FMN2: variants seen among roughly 807,000 people sequenced by gnomAD.
FMN2 encodes the protein formin 2.
A neutral mutation model predicts 142.3 loss-of-function variants in FMN2; 51 were observed. The ratio of observed to expected loss-of-function variants is 0.36; its 90% confidence interval spans 0.29 to 0.45. FMN2 has a LOEUF of 0.45. FMN2 is among the 20% of genes least tolerant of loss of function. The probability of loss-of-function intolerance (pLI) is 1.00; values close to 1 mark genes in which losing one functional copy is unlikely to be tolerated. For missense variants in FMN2, 1,936 were observed against 2,122.8 expected (o/e 0.91, Z 1.73); for synonymous variants, 882 against 869.8 (o/e 1.01, Z -0.25).
chr1:240,447,815 A>G (rs10926262), intron 16 of FMN2, among the ~76,000 whole-genome samples: 87,550 of 151,880 alleles, frequency 0.58, 25,360 homozygotes, highest in Admixed American at 0.64. Context: ...AAACCTACGC[A>G]TCTACTCAAA....
chr1:240,243,425 C>T (rs922729088), intron 6 of FMN2, among the ~76,000 whole-genome samples: 6 of 152,208 alleles, frequency 3.9e-5, no homozygotes, highest in African/African-American at 1.2e-4. Context: ...TGTAAATTCC[C>T]AAGGGGCAGG....
At chr1:240,160,464 ATATACATTATAT>A (rs930473874) in intron 2 of FMN2, among the ~76,000 whole-genome samples, 1 of 149,286 alleles carries the variant, frequency 6.7e-6, no homozygotes, top group African/African-American at 2.4e-5. Context: ...TTGTATGTAT[ATATACATTATAT>A]ATAATGTATA....
chr1:240,201,331 T>A, intron 4 of FMN2, among the ~76,000 whole-genome samples: 1 of 152,318 alleles, frequency 6.6e-6, no homozygotes. Context: ...AAAGTGAACT[T>A]GTTAATCATG....
chr1:240,437,383 T>A (rs891169709), intron 15 of FMN2, among the ~76,000 whole-genome samples: 1 of 148,222 alleles, frequency 6.7e-6, no homozygotes, highest in South Asian at 2.2e-4. Flanking sequence ...AAGCTGTGCC[T>A]CCTGGGTTCA....
intron 13 of FMN2, among the ~76,000 whole-genome samples, chr1:240,344,207 G>C (rs547350683): frequency 2.0e-5 from 3 of 152,328 alleles, no homozygotes; most frequent in African/African-American, 4.8e-5. Flanking sequence ...GGGAGACAGA[G>C]GAGCTGGGAA....
At chr1:240,264,366 T>A (rs904131039) in intron 7 of FMN2, among the ~76,000 whole-genome samples, 1 of 152,218 alleles carries the variant, frequency 6.6e-6, no homozygotes, top group Non-Finnish European at 1.5e-5. Context: ...TATTCTTTTT[T>A]AAATTTGTTT....
At chr1:240,257,769 A>T (rs565185908) in intron 6 of FMN2, among the ~76,000 whole-genome samples, 176 bp from the exon 7 acceptor site, 43 of 152,308 alleles carry the variant, frequency 2.8e-4, no homozygotes, top group African/African-American at 1.0e-3. Flanking sequence ...AAGATTTATG[A>T]TATAAAACCC....
chr1:240,346,326 ATGT>A (rs1341263664), intron 13 of FMN2, among the ~76,000 whole-genome samples: 4 of 152,140 alleles, frequency 2.6e-5, no homozygotes, highest in Non-Finnish European at 5.9e-5. Flanking sequence ...AGTTATACAA[ATGT>A]TGTATACAAA....
At chr1:240,135,041 A>G (rs1370203569) in intron 2 of FMN2, among the ~76,000 whole-genome samples, 1 of 152,176 alleles carries the variant, frequency 6.6e-6, no homozygotes, top group Non-Finnish European at 1.5e-5. Flanking sequence ...GAATATTGAC[A>G]TGCGTTGTGC....
intron 3 of FMN2, among the ~76,000 whole-genome samples, chr1:240,182,985 C>T (rs940708468): frequency 1.5e-4 from 22 of 151,556 alleles, no homozygotes; most frequent in Admixed American, 9.2e-4. Context: ...GGCATGATCC[C>T]GGCTCACTGT....
intron 4 of FMN2, among the ~76,000 whole-genome samples, chr1:240,188,609 G>A (rs1357935349): frequency 1.3e-5 from 2 of 152,164 alleles, no homozygotes; most frequent in Non-Finnish European, 2.9e-5. Flanking sequence ...CCATGGCTAT[G>A]ATCTTTAAAA....
At chr1:240,312,529 A>G (rs943615603) in intron 8 of FMN2, among the ~76,000 whole-genome samples, 4 of 152,320 alleles carry the variant, frequency 2.6e-5, no homozygotes, top group South Asian at 2.1e-4. Context: ...TCCTTGGCAC[A>G]TAGTAAGCAC....
chr1:240,456,019 T>C (rs1240258694), intron 16 of FMN2, among the ~76,000 whole-genome samples: 2 of 151,640 alleles, frequency 1.3e-5, no homozygotes, highest in African/African-American at 2.4e-5. Context: ...CATAATGATC[T>C]CAGAAAAGGT....
In FMN2 at chr1:240,188,279, A is replaced by G; in HGVS notation, c.1986+17A>G. ...GTCCAGAAGGTAAGATGATCTTATT[A>G]GGATGTCAGATTCCCATCTGTCTTA... is the stretch of plus-strand genomic sequence containing the variant. On this transcript the variant is annotated intron_variant, in intron 4 of 17. Coordinates refer to ENST00000319653, the MANE Select transcript of FMN2 (RefSeq NM_020066.5). The G allele has an allele frequency of 1.9e-6, 3 of 1,610,754 alleles. No individual in the cohort carries two copies. The highest frequency in any genetic ancestry group is 2.5e-6 in the Non-Finnish European group (3 of 1,177,518).
rs1400613022 is a variant in FMN2 at position 240,333,891 on chromosome 1, A to G, written c.4589A>G (p.Asn1530Ser). Residue 1530 changes from asparagine (N) to serine (S), a missense_variant, in exon 12 of 18, where the codon AAT becomes AGT. Physicochemically the swap from Asn to Ser is conservative, Grantham distance 46 (BLOSUM62 1). Coordinates refer to ENST00000319653, the MANE Select transcript of FMN2 (RefSeq NM_020066.5). Reference protein sequence around the residue: ...PKLKDVKSSDNSRSLLSYIVS... With the variant: ...PKLKDVKSSDSSRSLLSYIVS... ...GACTTTGGTCTTTCTGCCTAGGACAATAGCAGAAGCCTTTTGTCATATATT... is the reference window on the plus strand; with the variant it reads ...GACTTTGGTCTTTCTGCCTAGGACAGTAGCAGAAGCCTTTTGTCATATATT... 2 of 1,605,410 alleles carry G rather than the reference A, an allele frequency of 1.2e-6. No homozygotes were observed. Among genetic ancestry groups the G allele is most frequent in the African/African-American group, 1.3e-5 (1 of 74,666 alleles).
At chr1:240,328,704 C>T (rs569149740) in intron 8 of FMN2, among the ~76,000 whole-genome samples, 1 of 152,184 alleles carries the variant, frequency 6.6e-6, no homozygotes, top group South Asian at 2.1e-4. Context: ...ATTCTCCTGC[C>T]TCAGCCTCTC....
chr1:240,285,224 G>A, intron 7 of FMN2: 1 of 455,556 alleles, frequency 2.2e-6, no homozygotes, highest in South Asian at 1.5e-5. Context: ...TTCTGGATGT[G>A]TTTGGAATGT....
intron 4 of FMN2, among the ~76,000 whole-genome samples, chr1:240,192,840 A>AT (rs34381897): frequency 0.036 from 5,341 of 149,904 alleles, 116 homozygotes; most frequent in Non-Finnish European, 0.053. Context: ...GAAAGAAAGG[A>AT]TTTTTTTTTT....
chr1:240,303,166 GT>G (rs1482194422), intron 8 of FMN2, among the ~76,000 whole-genome samples: 2 of 152,076 alleles, frequency 1.3e-5, no homozygotes, highest in African/African-American at 4.8e-5. Context: ...GGGGACCTTG[GT>G]TTTTCTTGAT....
Sources: gnomAD v4.1 joint callset for allele counts (sites outside exome capture counted in the v4.1 genomes callset) on GRCh38, gnomAD v4.1.1 for gene constraint, MANE v1.5 for transcripts, NCBI Gene and HGNC (gene_info 2026-07-23, HGNC 2026-07-21) for gene names.